Variants in SLC9A9 observed in about 807,000 individuals in gnomAD.
SLC9A9 encodes the protein solute carrier family 9 member A9, also known as sodium/hydrogen exchanger 9.
SLC9A9 carries 62 observed loss-of-function variants against 77.8 expected under a neutral mutation model. The observed-to-expected ratio is 0.80, with a 90% CI of 0.65 to 0.98. The LOEUF (loss-of-function observed/expected upper bound fraction) is 0.98. Ranked by LOEUF, SLC9A9 falls within the 50% of genes least tolerant of loss-of-function variation. The probability of loss-of-function intolerance (pLI) is 0.00; values close to 1 mark genes in which losing one functional copy is unlikely to be tolerated. For synonymous variants in SLC9A9, 320 were observed against 283.5 expected (o/e 1.13, Z -1.29); for missense variants, 775 against 774.9 (o/e 1.00, Z 0.00).
At chr3:143,711,340 C>A (rs1934187900) in intron 4 of SLC9A9, among the ~76,000 whole-genome samples, 1 of 151,752 alleles carries the variant, frequency 6.6e-6, no homozygotes, top group South Asian at 2.1e-4. Flanking sequence ...TTTTACTCAC[C>A]AATCAAATAT....
intron 4 of SLC9A9, among the ~76,000 whole-genome samples, chr3:143,721,222 T>TGG (rs1560048046): frequency 6.6e-6 from 1 of 151,970 alleles, no homozygotes; most frequent in Admixed American, 6.5e-5. Flanking sequence ...CATTACCAGG[T>TGG]ATAATCTTTG....
intron 12 of SLC9A9, among the ~76,000 whole-genome samples, chr3:143,398,420 A>C (rs1471087383): frequency 6.6e-6 from 1 of 152,200 alleles, no homozygotes; most frequent in Non-Finnish European, 1.5e-5. Flanking sequence ...GAAGGCAGGC[A>C]GCGGGTGAAA....
intron 14 of SLC9A9, among the ~76,000 whole-genome samples, chr3:143,324,891 C>T (rs1453591206): frequency 6.6e-6 from 1 of 152,140 alleles, no homozygotes; most frequent in East Asian, 1.9e-4. Context: ...AAAGGGCCTC[C>T]TTTCTCTTCT....
At chr3:143,848,099 T>G in intron 1 of SLC9A9, 49 bp downstream of exon 1, 1 of 1,554,736 alleles carries the variant, frequency 6.4e-7, no homozygotes. Flanking sequence ...AGTCTCTAAT[T>G]ACGCTCAAGC....
intron 1 of SLC9A9, among the ~76,000 whole-genome samples, chr3:143,832,713 CTT>C (rs11425360): frequency 0.087 from 12,279 of 141,332 alleles, 1,541 homozygotes; most frequent in African/African-American, 0.28. Context: ...CAATATAGTT[CTT>C]TTTTTTTTTT....
At chr3:143,426,361 A>G (rs1357887578) in intron 12 of SLC9A9, among the ~76,000 whole-genome samples, 1 of 152,242 alleles carries the variant, frequency 6.6e-6, no homozygotes, top group Non-Finnish European at 1.5e-5. Context: ...AGTCACTAGT[A>G]TAGAACTATT....
At chr3:143,772,584 G>A (rs2007560465) in intron 4 of SLC9A9, among the ~76,000 whole-genome samples, 1 of 152,142 alleles carries the variant, frequency 6.6e-6, no homozygotes, top group Non-Finnish European at 1.5e-5. Flanking sequence ...GCACAAGCTG[G>A]TCCGGGAAGG....
Position 143,268,089 on chromosome 3 carries a change from C to T in SLC9A9, c.1710+786G>A, listed in dbSNP as rs140666822. Among the ~76,000 whole-genome samples the T allele has an allele frequency of 5.8e-3, 877 of 152,312 alleles. 6 individuals carry two copies. The highest frequency in any genetic ancestry group is 0.02 in the African/African-American group (832 of 41,552). On this transcript the variant is annotated intron_variant, in intron 15 of 15. Coordinates refer to ENST00000316549, the MANE Select transcript of SLC9A9 (RefSeq NM_173653.4). The stretch of plus-strand genomic sequence containing the variant: ...CTGCCTTAGGCTTCTGTGCCCTGAA[C>T]ACACCTGAGATAAGTTTTTGCCTGT...
chr3:143,310,085 A>G (rs1446139688), intron 14 of SLC9A9, among the ~76,000 whole-genome samples: 1 of 152,190 alleles, frequency 6.6e-6, no homozygotes, highest in African/African-American at 2.4e-5. Context: ...CTGTGATTTT[A>G]TAATTTTTAG....
Position 143,494,818 on chromosome 3 carries a change from G to A in SLC9A9, c.1203+517C>T, listed in dbSNP as rs1576534913. Among the ~76,000 whole-genome samples the A allele has an allele frequency of 2.0e-5, 3 of 152,330 alleles. No homozygotes were observed. In the East Asian group the frequency reaches 5.8e-4, roughly 29 times the overall value. The stretch of plus-strand genomic sequence containing the variant: ...GGTGCTATCTTATTCAGATGAACCT[G>A]TATTTGAACAATGCTTATGATGTTG... On this transcript the variant is annotated intron_variant, in intron 10 of 15. Coordinates refer to ENST00000316549, the MANE Select transcript of SLC9A9 (RefSeq NM_173653.4).
intron 4 of SLC9A9, among the ~76,000 whole-genome samples, chr3:143,722,861 G>A (rs146977757): frequency 2.2e-3 from 330 of 152,214 alleles, no homozygotes; most frequent in African/African-American, 7.3e-3. Flanking sequence ...TATTTGCTGA[G>A]TACAAACAGA....
chr3:143,499,805 T>C (rs986816843), intron 9 of SLC9A9, among the ~76,000 whole-genome samples: 6 of 152,218 alleles, frequency 3.9e-5, no homozygotes, highest in Non-Finnish European at 8.8e-5. Context: ...TTTTATAAAA[T>C]GTTTTTCCTT....
At chr3:143,531,412 G>A (rs2036508957) in intron 9 of SLC9A9, among the ~76,000 whole-genome samples, 1 of 152,192 alleles carries the variant, frequency 6.6e-6, no homozygotes, top group Non-Finnish European at 1.5e-5. Context: ...TGTCTTTGGA[G>A]ACAGAGATTC....
rs75412351 is a variant in SLC9A9 at position 143,718,540 on chromosome 3, C to A, written c.534-25233G>T. ...TTCAGCTGTGTCCCAGCCATCCCAG[C>A]AGCTCTCACCTGGAGCTGAAACCCT... On this transcript the variant is annotated intron_variant, in intron 4 of 15. Coordinates refer to ENST00000316549, the MANE Select transcript of SLC9A9 (RefSeq NM_173653.4). Among the ~76,000 whole-genome samples, 1,522 of 152,316 alleles carry A rather than the reference C, an allele frequency of 1.0e-2. 29 individuals are homozygous for A. Among genetic ancestry groups the A allele is most frequent in the African/African-American group, 0.035 (1,445 of 41,562 alleles).
At chr3:143,487,966 G>A (rs1228483186) in intron 11 of SLC9A9, among the ~76,000 whole-genome samples, 2 of 151,606 alleles carry the variant, frequency 1.3e-5, no homozygotes, top group African/African-American at 2.4e-5. Flanking sequence ...TCTTTGGAAA[G>A]AGCAATAAAA....
chr3:143,290,057 C>G (rs944123070), intron 14 of SLC9A9, among the ~76,000 whole-genome samples: 1 of 152,232 alleles, frequency 6.6e-6, no homozygotes, highest in Non-Finnish European at 1.5e-5. Flanking sequence ...TAATTCAGAA[C>G]TCAAGGGTCA....
At chr3:143,605,629 G>A (rs1326586147) in intron 6 of SLC9A9, among the ~76,000 whole-genome samples, 1 of 152,232 alleles carries the variant, frequency 6.6e-6, no homozygotes, top group Non-Finnish European at 1.5e-5. Context: ...GATCTGGCCT[G>A]TGGACCACAC....
chr3:143,445,720 A>C (rs2034829324), intron 12 of SLC9A9, among the ~76,000 whole-genome samples: 1 of 152,262 alleles, frequency 6.6e-6, no homozygotes, highest in African/African-American at 2.4e-5. Context: ...TAGTTCCTGC[A>C]GCAAAAACTG....
At chr3:143,603,010 C>T (rs1160081490) in intron 6 of SLC9A9, among the ~76,000 whole-genome samples, 2 of 152,200 alleles carry the variant, frequency 1.3e-5, no homozygotes, top group Non-Finnish European at 2.9e-5. Flanking sequence ...AATTCTTGAA[C>T]ACATTCAGGT....
Sources: allele counts gnomAD v4.1 joint callset (sites outside exome capture counted in the v4.1 genomes callset), GRCh38; gene constraint gnomAD v4.1.1; transcripts MANE v1.5; gene names NCBI Gene and HGNC (gene_info 2026-07-23, HGNC 2026-07-21).